Variants in WWP2 observed in about 807,000 individuals in gnomAD.
The protein encoded by WWP2 is NEDD4-like E3 ubiquitin-protein ligase WWP2.
WWP2 carries 57 observed loss-of-function variants against 121.0 expected under a neutral mutation model. That is an observed-to-expected ratio of 0.47 (90% confidence interval 0.38 to 0.59). The LOEUF is 0.59. WWP2 is among the 20% of genes least tolerant of loss of function. WWP2 has a pLI of 0.00. For missense variants in WWP2, 962 were observed against 1,158.9 expected, an observed-to-expected ratio of 0.83 and a Z score of 2.47; for synonymous variants, 449 against 441.3, an observed-to-expected ratio of 1.02 and a Z score of -0.22.
intron 5 of WWP2, 110 bp from the exon 6 acceptor site, chr16:69,841,913 TG>T: frequency 1.9e-6 from 2 of 1,028,156 alleles, no homozygotes; most frequent in South Asian, 1.5e-5. Context: ...TATCCCGTGG[TG>T]GTGGGCAACT....
chr16:69,937,569 G>A lies in WWP2; in HGVS notation c.2260G>A (p.Glu754Lys), dbSNP rs1334898662. The A allele has an allele frequency of 6.2e-7, 1 of 1,614,022 alleles. No homozygotes were observed. The change falls in exon 21 of 24, where the codon GAG (glutamate) becomes AAG (lysine). Residue 754 changes from glutamate to lysine, a missense_variant. Physicochemically the swap from Glu to Lys is moderately conservative, Grantham distance 56. Coordinates refer to ENST00000359154, the MANE Select transcript of WWP2 (RefSeq NM_001270454.2). This position sits in a 1 kb window ranked among gnomAD's most constrained non-coding sequence, Gnocchi z 6.6. ...CCAGCTGATGCTGTGCGGCATGCAG[G>A]AGATAGACATGAGCGACTGGCAGAA... is the stretch of plus-strand genomic sequence containing the variant. ...ELELMLCGMQ[E>K]IDMSDWQKST...
chr16:69,816,290 A>T (rs1244193058), intron 4 of WWP2, among the ~76,000 whole-genome samples: 5 of 151,960 alleles, frequency 3.3e-5, no homozygotes, highest in African/African-American at 1.2e-4. Flanking sequence ...CACAATTAAA[A>T]ATAATTACTT....
At chr16:69,869,916 G>T (rs1173859580) in intron 6 of WWP2, among the ~76,000 whole-genome samples, 1 of 152,138 alleles carries the variant, frequency 6.6e-6, no homozygotes, top group African/African-American at 2.4e-5. Flanking sequence ...GCTGGAGGTG[G>T]ATCCTCCCAA....
intron 4 of WWP2, among the ~76,000 whole-genome samples, chr16:69,830,732 T>TC (rs1213494809): frequency 6.6e-6 from 1 of 152,156 alleles, no homozygotes; most frequent in Non-Finnish European, 1.5e-5. Flanking sequence ...AGACTTTCTG[T>TC]TGTTAGGCTC....
At chr16:69,893,201 CAAG>C (rs985702906) in intron 8 of WWP2, among the ~76,000 whole-genome samples, 10 of 152,190 alleles carry the variant, frequency 6.6e-5, no homozygotes, top group African/African-American at 1.9e-4. Flanking sequence ...CCCTGGTGGA[CAAG>C]AAGAAGTGTG....
chr16:69,869,313 G>A (rs2057587605), intron 6 of WWP2, among the ~76,000 whole-genome samples: 1 of 151,982 alleles, frequency 6.6e-6, no homozygotes, highest in Admixed American at 6.6e-5. Context: ...TAGGTATGAG[G>A]GACTCCAGAG....
Position 69,937,723 on chromosome 16 carries a change from C to A in WWP2, c.2343+71C>A. ...CCAAAGGAAACGGGTCCTGAGGAGGCCTCACGCGCAAGGACCTTCAGCTTT... is the reference window on the plus strand; with the variant it reads ...CCAAAGGAAACGGGTCCTGAGGAGGACTCACGCGCAAGGACCTTCAGCTTT... On this transcript the variant is annotated intron_variant, in intron 21 of 23. Coordinates refer to ENST00000359154, the MANE Select transcript of WWP2 (RefSeq NM_001270454.2). The surrounding 1 kb of genome is among the most constrained non-coding windows in gnomAD (Gnocchi z 6.6). The A allele has an allele frequency of 6.8e-7, 1 of 1,478,268 alleles. No individual in the cohort carries two copies. Among genetic ancestry groups the A allele is most frequent in the Non-Finnish European group, 9.4e-7 (1 of 1,068,172 alleles). 91.6% of individuals were successfully genotyped at this position (1,478,268 alleles called of 1,614,324 possible). A position where few individuals can be genotyped will look rare whatever the true frequency, so the allele number is the denominator to read the frequency against.
intron 6 of WWP2, among the ~76,000 whole-genome samples, chr16:69,866,000 A>G (rs1236792943): frequency 6.6e-6 from 1 of 152,216 alleles, no homozygotes; most frequent in Non-Finnish European, 1.5e-5. Context: ...GAGGAAAGAA[A>G]GACTTATGGT....
chr16:69,922,286 C>G (rs924972107), intron 10 of WWP2, among the ~76,000 whole-genome samples: 2 of 152,020 alleles, frequency 1.3e-5, no homozygotes, highest in African/African-American at 2.4e-5. Flanking sequence ...ACGCTGCAAC[C>G]TTTATGCCCT....
At chr16:69,932,166 T>C (rs1276724714) in intron 16 of WWP2, among the ~76,000 whole-genome samples, 1 of 152,128 alleles carries the variant, frequency 6.6e-6, no homozygotes, top group Non-Finnish European at 1.5e-5. Flanking sequence ...CCCGTCTCTA[T>C]TAAAAATACA....
intron 1 of WWP2, among the ~76,000 whole-genome samples, chr16:69,781,965 C>T (rs2055672898): frequency 6.6e-6 from 1 of 152,090 alleles, no homozygotes; most frequent in African/African-American, 2.4e-5. Flanking sequence ...CTCTTCAAGG[C>T]CCCACCTCTC....
intron 4 of WWP2, among the ~76,000 whole-genome samples, chr16:69,809,502 C>A (rs537100432): frequency 6.6e-6 from 1 of 151,940 alleles, no homozygotes; most frequent in Non-Finnish European, 1.5e-5. Context: ...TACGGTGGCT[C>A]ACGCCTGTAA....
At chr16:69,890,510 G>C (rs545415566) in intron 8 of WWP2, among the ~76,000 whole-genome samples, 1 of 152,218 alleles carries the variant, frequency 6.6e-6, no homozygotes, top group African/African-American at 2.4e-5. Flanking sequence ...ACCTTTGTTT[G>C]GTTTGTAATT....
intron 4 of WWP2, among the ~76,000 whole-genome samples, chr16:69,834,143 A>C (rs2056836176): frequency 6.6e-6 from 1 of 152,148 alleles, no homozygotes; most frequent in East Asian, 1.9e-4. Flanking sequence ...GTCCCGTCCC[A>C]TGTTGAGCAA....
intron 10 of WWP2, among the ~76,000 whole-genome samples, chr16:69,920,779 T>C (rs1415405770): frequency 6.6e-6 from 1 of 152,138 alleles, no homozygotes; most frequent in Non-Finnish European, 1.5e-5. Flanking sequence ...AGTAAGATCC[T>C]GTCTCAATAA....
intron 6 of WWP2, among the ~76,000 whole-genome samples, chr16:69,848,610 C>G (rs2057132631): frequency 7.1e-6 from 1 of 140,858 alleles, no homozygotes; most frequent in Non-Finnish European, 1.5e-5. Flanking sequence ...GCAATCCAGC[C>G]TGGGCAACAG....
chr16:69,907,312 T>C (rs954776799), intron 8 of WWP2, among the ~76,000 whole-genome samples: 2 of 152,206 alleles, frequency 1.3e-5, no homozygotes, highest in Non-Finnish European at 2.9e-5. Context: ...CTAGTGTTTC[T>C]CACAGACAAA....
At chr16:69,811,330 G>A (rs969529217) in intron 4 of WWP2, among the ~76,000 whole-genome samples, 1 of 152,036 alleles carries the variant, frequency 6.6e-6, no homozygotes, top group South Asian at 2.1e-4. Context: ...TTTCAGGCTA[G>A]GTGTGGTGGC....
chr16:69,836,093 G>A (rs570607692), intron 4 of WWP2, among the ~76,000 whole-genome samples: 4 of 152,180 alleles, frequency 2.6e-5, no homozygotes, highest in South Asian at 2.1e-4. Context: ...GTGAGCCACC[G>A]TGCCTGTGCA....
Sources: allele counts gnomAD v4.1 joint callset (sites outside exome capture counted in the v4.1 genomes callset), GRCh38; gene constraint gnomAD v4.1.1; non-coding constraint Gnocchi (gnomAD v3.1); transcripts MANE v1.5; gene names NCBI Gene and HGNC (gene_info 2026-07-23, HGNC 2026-07-21).